The following SSBP3 variants were observed in gnomAD, a reference collection of about 807,000 sequenced individuals.
SSBP3 encodes the protein single stranded DNA binding protein 3.
SSBP3 carries 5 observed loss-of-function variants against 69.6 expected under a neutral mutation model. The observed-to-expected ratio is 0.07, with a 90% CI of 0.04 to 0.15. SSBP3 has a LOEUF of 0.15. Among genes scored for constraint, SSBP3 ranks in the 10% least tolerant of loss-of-function variants. The pLI is 1.00. For synonymous variants in SSBP3, 196 were observed against 193.4 expected (o/e 1.01, Z -0.11); for missense variants, 312 against 534.0 (o/e 0.58, Z 4.10).
chr1:54,360,132 C>T (rs775695285), intron 4 of SSBP3, among the ~76,000 whole-genome samples: 1 of 152,232 alleles, frequency 6.6e-6, no homozygotes, highest in Non-Finnish European at 1.5e-5. Context: ...GAATCAATTA[C>T]ATAACTTCTC....
intron 4 of SSBP3, among the ~76,000 whole-genome samples, chr1:54,296,998 C>T (rs1645714741): frequency 6.6e-6 from 1 of 152,194 alleles, no homozygotes; most frequent in Non-Finnish European, 1.5e-5. Flanking sequence ...AGTGAATCCA[C>T]TCATTTATTT....
chr1:54,329,545 G>A (rs1334710788), intron 4 of SSBP3, among the ~76,000 whole-genome samples: 2 of 152,224 alleles, frequency 1.3e-5, no homozygotes, highest in African/African-American at 4.8e-5. Context: ...CCCACTGTCA[G>A]GCCTCTGCCA....
intron 4 of SSBP3, 100 bp downstream of exon 4, chr1:54,401,761 T>C: frequency 3.1e-6 from 3 of 965,726 alleles, no homozygotes; most frequent in Non-Finnish European, 4.8e-6. Context: ...AAGAAGCAAA[T>C]AAAGACCACT....
intron 4 of SSBP3, among the ~76,000 whole-genome samples, chr1:54,364,714 A>G (rs1647002476): frequency 6.6e-6 from 1 of 152,186 alleles, no homozygotes; most frequent in Admixed American, 6.5e-5. Context: ...CCCATTCCAC[A>G]CACCCAAAAG....
chr1:54,382,984 A>AC (rs1647783250), intron 4 of SSBP3, among the ~76,000 whole-genome samples: 1 of 110,194 alleles, frequency 9.1e-6, no homozygotes, highest in Non-Finnish European at 1.8e-5. Flanking sequence ...AAACTCCATG[A>AC]CAAAAAAAAA....
chr1:54,300,363 CAG>C lies in SSBP3; in HGVS notation c.277-18838_277-18837del, dbSNP rs1217657000. ...AGATGCATGCTTGGGCCTGGAAGCC[CAG>C]AGAGTGGAGAGTATCATCATGTCAG... On this transcript the variant is annotated intron_variant, in intron 4 of 17. Coordinates refer to ENST00000610401, the Ensembl canonical transcript of SSBP3. 7.9e-5 allele frequency among the ~76,000 whole-genome samples: 12 copies of C among 152,250 alleles called. No homozygotes were observed. In the South Asian group the frequency reaches 1.9e-3, roughly 24 times the overall value.
intron 4 of SSBP3, among the ~76,000 whole-genome samples, chr1:54,307,370 C>A (rs1427143646): frequency 6.6e-6 from 1 of 152,172 alleles, no homozygotes; most frequent in Admixed American, 6.5e-5. Context: ...GGAGAACCAA[C>A]CTCTCCCTGT....
At chr1:54,362,090 T>C (rs1367848530) in intron 4 of SSBP3, among the ~76,000 whole-genome samples, 1 of 152,216 alleles carries the variant, frequency 6.6e-6, no homozygotes, top group Non-Finnish European at 1.5e-5. Flanking sequence ...CCATCTTAAT[T>C]ATCTTCATGC....
chr1:54,264,665 A>G lies in SSBP3; in HGVS notation c.367-6516T>C, dbSNP rs192731712. Among the ~76,000 whole-genome samples the G allele has an allele frequency of 1.1e-3, 174 of 152,330 alleles. 1 individual carries two copies. The highest frequency in any genetic ancestry group is 4.1e-3 in the African/African-American group (171 of 41,578). On this transcript the variant is annotated intron_variant, in intron 5 of 17. Coordinates refer to ENST00000610401, the Ensembl canonical transcript of SSBP3. ...TCAAGCGAGGTGGGGAGTATAGGCT[A>G]TGATTCTCTCACGGGTCACGAAAGC...
chr1:54,241,402 C>T (rs1014454270), intron 12 of SSBP3, 72 bp downstream of exon 12: 5 of 1,531,072 alleles, frequency 3.3e-6, no homozygotes, highest in African/African-American at 1.4e-5. Context: ...GAAACGGGGA[C>T]CCCAGACCAG....
In SSBP3 at chr1:54,398,940, C is replaced by T. The variant is rs190789913; in HGVS notation, c.276+2921G>A. On this transcript the variant is annotated intron_variant, in intron 4 of 17. Coordinates refer to ENST00000610401, the Ensembl canonical transcript of SSBP3. ...TGATAGAAAACAGAAGGTCAGTCAA[C>T]AGACACTTATTTACACTCTACTTGA... is the stretch of plus-strand genomic sequence containing the variant. Among the ~76,000 whole-genome samples, 241 of 152,298 alleles carry T rather than the reference C, an allele frequency of 1.6e-3. 1 individual carries two copies. The highest frequency in any genetic ancestry group is 5.3e-3 in the Admixed American group (81 of 15,298).
chr1:54,334,105 G>A (rs1646467450), intron 4 of SSBP3, among the ~76,000 whole-genome samples: 1 of 151,922 alleles, frequency 6.6e-6, no homozygotes, highest in Non-Finnish European at 1.5e-5. Context: ...CATAATCCCA[G>A]CACTTTGGGA....
At position 54,257,118 on chromosome 1, in the gene SSBP3, GT is replaced by G. The variant is rs1185299589; in HGVS notation, c.507+8del. 1 of 1,601,250 alleles carries G rather than the reference GT, an allele frequency of 6.2e-7. No homozygotes were observed. The highest frequency in any genetic ancestry group is 8.5e-7 in the Non-Finnish European group (1 of 1,175,412). ...GGGAGGGGAGAGAGAACATGAAAAG[GT>G]ACAGTACCTGGTTTCCCATTCTGAT... On this transcript the variant is annotated splice_region_variant and intron_variant, in intron 7 of 17. Transcript: ENST00000610401.
At chr1:54,249,803 G>A (rs1644796479) in intron 9 of SSBP3, among the ~76,000 whole-genome samples, 1 of 148,352 alleles carries the variant, frequency 6.7e-6, no homozygotes, top group Non-Finnish European at 1.5e-5. Flanking sequence ...AAAGGGAACT[G>A]GACACTGGAC....
chr1:54,249,159 CTG>C (rs1644783203), intron 9 of SSBP3, among the ~76,000 whole-genome samples: 1 of 152,224 alleles, frequency 6.6e-6, no homozygotes, highest in African/African-American at 2.4e-5. Context: ...AAGTCCTGAA[CTG>C]CCAGCACACC....
chr1:54,266,059 T>A (rs550402923), intron 5 of SSBP3, among the ~76,000 whole-genome samples: 1 of 152,240 alleles, frequency 6.6e-6, no homozygotes, highest in Non-Finnish European at 1.5e-5. Context: ...ACGAAAAGTA[T>A]AGGCAGCGTC....
At chr1:54,242,334 C>T (rs372512073) in intron 10 of SSBP3, 122 bp from the exon 11 acceptor site, 142 of 1,104,266 alleles carry the variant, frequency 1.3e-4, no homozygotes, top group Admixed American at 2.2e-4. Flanking sequence ...TACAGCCCTG[C>T]GGTTTAGAGC....
chr1:54,247,479 C>T (rs564142814), intron 9 of SSBP3, among the ~76,000 whole-genome samples: 10 of 152,132 alleles, frequency 6.6e-5, no homozygotes, highest in Non-Finnish European at 1.3e-4. Context: ...GTGCTCAGGA[C>T]CAGGATTAAT....
chr1:54,387,491 C>G (rs1341543356), intron 4 of SSBP3, among the ~76,000 whole-genome samples: 1 of 152,186 alleles, frequency 6.6e-6, no homozygotes, highest in African/African-American at 2.4e-5. Context: ...ATCATTTACA[C>G]ATTGAGTGTC....
Sources: gnomAD v4.1 joint callset for allele counts (sites outside exome capture counted in the v4.1 genomes callset) on GRCh38, gnomAD v4.1.1 for gene constraint, MANE v1.5 for transcripts, NCBI Gene and HGNC (gene_info 2026-07-23, HGNC 2026-07-21) for gene names.